The following PRICKLE1 variants were observed in gnomAD, a reference collection of about 807,000 sequenced individuals.
The protein encoded by PRICKLE1 is prickle planar cell polarity protein 1, also known as prickle-like protein 1.
In PRICKLE1, 14 loss-of-function variants were observed where a neutral mutation model predicts 70.2. The ratio of observed to expected loss-of-function variants is 0.20; its 90% CI spans 0.13 to 0.31. The LOEUF is 0.31. Among genes scored for constraint, PRICKLE1 ranks in the 10% least tolerant of loss-of-function variants. The probability of loss-of-function intolerance (pLI) is 1.00; values close to 1 mark genes in which losing one functional copy is unlikely to be tolerated. For missense variants in PRICKLE1, 821 were observed against 1,026.2 expected (o/e 0.80, Z 2.73); for synonymous variants, 357 against 379.9 (o/e 0.94, Z 0.70).
intron 1 of PRICKLE1, among the ~76,000 whole-genome samples, chr12:42,475,863 G>T (rs1477802804): frequency 6.6e-6 from 1 of 151,910 alleles, no homozygotes; most frequent in African/African-American, 2.4e-5. Context: ...GAGGCTGGGG[G>T]GGGGCGGGGG....
At chr12:42,506,567 CTTTTTTTTTTTT>C (rs139103281) in intron 1 of PRICKLE1, among the ~76,000 whole-genome samples, 2 of 64,608 alleles carry the variant, frequency 3.1e-5, no homozygotes, top group African/African-American at 5.6e-5. Context: ...CAATAGTGTT[CTTTTTTTTTTTT>C]TTTTTTTTTT....
intron 5 of PRICKLE1, among the ~76,000 whole-genome samples, chr12:42,467,678 G>A (rs1388239817): frequency 2.0e-5 from 3 of 152,096 alleles, no homozygotes; most frequent in East Asian, 1.9e-4. Flanking sequence ...CACGCGGGGC[G>A]GAGGTTGCAG....
At position 42,469,483 on chromosome 12, in the gene PRICKLE1, C is replaced by A. The variant is rs1938230988; in HGVS notation, c.351G>T (p.Leu117=). Residue 117 remains leucine (L), a synonymous_variant, in exon 4 of 8, where the codon CTG becomes CTT. Coordinates refer to ENST00000345127, the MANE Select transcript of PRICKLE1 (RefSeq NM_153026.3). ...EALGRGTIKL[L]SRAVMHAVCE... The stretch of plus-strand genomic sequence containing the variant: ...ACACAGCATGCATGACTGCTCTGGA[C>A]AGAAGCTTAATTGTTCCTCTTCCCA... The A allele has an allele frequency of 2.5e-6, 4 of 1,614,220 alleles. No homozygotes were observed. Among genetic ancestry groups the A allele is most frequent in the Non-Finnish European group, 3.4e-6 (4 of 1,180,042 alleles).
At chr12:42,541,334 C>T (rs1940110810) in intron 1 of PRICKLE1, among the ~76,000 whole-genome samples, 1 of 151,650 alleles carries the variant, frequency 6.6e-6, no homozygotes, top group African/African-American at 2.4e-5. Context: ...CAACTCTACT[C>T]TTCTCTTTTT....
intron 1 of PRICKLE1, among the ~76,000 whole-genome samples, chr12:42,495,828 G>A (rs561462447): frequency 3.3e-5 from 5 of 152,264 alleles, no homozygotes; most frequent in South Asian, 4.1e-4. Context: ...CCTGAGCTCA[G>A]GCAATCTGCC....
At chr12:42,506,734 G>A (rs1390557940) in intron 1 of PRICKLE1, among the ~76,000 whole-genome samples, 5 of 151,456 alleles carry the variant, frequency 3.3e-5, no homozygotes, top group Non-Finnish European at 7.4e-5. Context: ...CACCATGCCC[G>A]GCTAATTTTT....
At chr12:42,522,538 T>C (rs549269868) in intron 1 of PRICKLE1, among the ~76,000 whole-genome samples, 13 of 152,326 alleles carry the variant, frequency 8.5e-5, no homozygotes, top group Middle Eastern at 3.4e-3. Flanking sequence ...TATATGAAAA[T>C]GTATCTTGCT....
intron 1 of PRICKLE1, among the ~76,000 whole-genome samples, chr12:42,521,640 G>T (rs970794116): frequency 6.6e-6 from 1 of 151,966 alleles, no homozygotes; most frequent in Admixed American, 6.6e-5. Context: ...GGTGGAGGTG[G>T]CAGTGAGCTG....
chr12:42,523,118 T>C (rs1396984937), intron 1 of PRICKLE1, among the ~76,000 whole-genome samples: 1 of 152,080 alleles, frequency 6.6e-6, no homozygotes, highest in Non-Finnish European at 1.5e-5. Flanking sequence ...CCTGCCACCA[T>C]GCCAGGCTAA....
At chr12:42,507,264 C>A (rs1299622461) in intron 1 of PRICKLE1, among the ~76,000 whole-genome samples, 2 of 152,156 alleles carry the variant, frequency 1.3e-5, no homozygotes, top group Admixed American at 1.3e-4. Context: ...ACATAGCAGG[C>A]AGATCACGTG....
rs762525821 is a variant in PRICKLE1, at chr12:42,472,507, C to T, written c.10G>A (p.Glu4Lys). The change falls in exon 2 of 8, where the codon GAG becomes AAG. Residue 4 changes from glutamate to lysine, a missense_variant. By Grantham distance (56) the Glu-to-Lys change is moderately conservative. Coordinates refer to ENST00000345127, the MANE Select transcript of PRICKLE1 (RefSeq NM_153026.3). Reference sequence around the variant, plus strand: ...AGTTTGCTCATCTTGGGCTCCATCTCCAAAGGCATAAAGTTTAAAGCCTGG... The same window carrying T: ...AGTTTGCTCATCTTGGGCTCCATCTTCAAAGGCATAAAGTTTAAAGCCTGG... MPL[E>K]MEPKMSKLAF... 5.6e-6 allele frequency: 9 copies of T among 1,614,040 alleles called. No individual in the cohort carries two copies. The highest frequency in any genetic ancestry group is 4.5e-5 in the East Asian group (2 of 44,890).
chr12:42,547,493 C>G (rs1184404653), intron 1 of PRICKLE1, among the ~76,000 whole-genome samples: 1 of 152,160 alleles, frequency 6.6e-6, no homozygotes, highest in Non-Finnish European at 1.5e-5. Context: ...AGGGTCCTGT[C>G]CCAGCTTTGT....
chr12:42,496,010 G>A (rs1409071485), intron 1 of PRICKLE1, among the ~76,000 whole-genome samples: 1 of 152,192 alleles, frequency 6.6e-6, no homozygotes, highest in Non-Finnish European at 1.5e-5. Context: ...CATCTGGAGT[G>A]GTAAGTCCTT....
At chr12:42,470,861 G>A (rs534147244) in intron 2 of PRICKLE1, among the ~76,000 whole-genome samples, 97 of 151,238 alleles carry the variant, frequency 6.4e-4, no homozygotes, top group African/African-American at 2.1e-3. Context: ...ACCCAAGATC[G>A]CGCCACTGCA....
intron 1 of PRICKLE1, among the ~76,000 whole-genome samples, chr12:42,573,563 GTAT>G (rs745830264): frequency 1.3e-5 from 2 of 151,740 alleles, no homozygotes; most frequent in Admixed American, 6.6e-5. Context: ...GATTCTTTTT[GTAT>G]TATTATTATT....
intron 1 of PRICKLE1, among the ~76,000 whole-genome samples, chr12:42,586,077 A>C (rs1940982997): frequency 6.6e-6 from 1 of 152,204 alleles, no homozygotes; most frequent in Admixed American, 6.5e-5. Context: ...GCAATCCAAT[A>C]ATCCTTTCTT....
intron 1 of PRICKLE1, among the ~76,000 whole-genome samples, chr12:42,473,802 T>C (rs1449475917): frequency 6.8e-6 from 1 of 147,918 alleles, no homozygotes; most frequent in African/African-American, 2.5e-5. Flanking sequence ...TCTGCCTCAA[T>C]AAACATTCTT....
chr12:42,525,475 G>T (rs1939785238), intron 1 of PRICKLE1, among the ~76,000 whole-genome samples: 1 of 152,164 alleles, frequency 6.6e-6, no homozygotes, highest in South Asian at 2.1e-4. Flanking sequence ...CCTTGAAAGT[G>T]GGGAAAGAAG....
rs560993978 is a variant in PRICKLE1 at position 42,543,568 on chromosome 12, T to C, written c.-49+45897A>G. 1.3e-4 allele frequency among the ~76,000 whole-genome samples: 20 copies of C among 152,178 alleles called. No individual in the cohort carries two copies. The East Asian group carries it at 3.9e-3, about 29-fold the overall frequency. On this transcript the variant is annotated intron_variant, in intron 1 of 7. Coordinates refer to ENST00000345127, the MANE Select transcript of PRICKLE1 (RefSeq NM_153026.3). ...GATGGAGTCTCGCTCTGTCGCCCAG[T>C]CTGGAGTGCAGTGGCGCGATCTTGG...
Sources: allele counts gnomAD v4.1 joint callset (sites outside exome capture counted in the v4.1 genomes callset), GRCh38; gene constraint gnomAD v4.1.1; transcripts MANE v1.5; gene names NCBI Gene and HGNC (gene_info 2026-07-23, HGNC 2026-07-21).